ADARB2: variants seen among roughly 807,000 people sequenced by gnomAD.
ADARB2 encodes adenosine deaminase RNA specific B2 (inactive).
In ADARB2, 25 loss-of-function variants were observed where a neutral mutation model predicts 62.2. That is an observed-to-expected ratio of 0.40 (90% CI 0.29 to 0.56). ADARB2 has a LOEUF of 0.56. ADARB2 is among the 20% of genes least tolerant of loss of function. The pLI is 0.43. For missense variants in ADARB2, 1,071 were observed against 1,077.4 expected (o/e 0.99, Z 0.08); for synonymous variants, 572 against 500.8 (o/e 1.14, Z -1.90).
chr10:1,321,689 A>T (rs1831796852), intron 3 of ADARB2, among the ~76,000 whole-genome samples: 1 of 152,164 alleles, frequency 6.6e-6, no homozygotes, highest in South Asian at 2.1e-4. Context: ...TACTGATGCT[A>T]CTATTTTAAT....
chr10:1,343,564 C>G (rs372006774), intron 3 of ADARB2, among the ~76,000 whole-genome samples: 4 of 152,266 alleles, frequency 2.6e-5, no homozygotes, highest in African/African-American at 9.6e-5. Context: ...CATAGACACA[C>G]AGGCACGCGC....
intron 3 of ADARB2, among the ~76,000 whole-genome samples, chr10:1,273,362 A>G (rs1831282889): frequency 6.6e-6 from 1 of 152,148 alleles, no homozygotes; most frequent in Admixed American, 6.5e-5. Flanking sequence ...TTGGGCTCAA[A>G]TGATCCTCTC....
intron 1 of ADARB2, among the ~76,000 whole-genome samples, chr10:1,608,518 G>A (rs938231476): frequency 2.7e-5 from 4 of 150,848 alleles, no homozygotes; most frequent in African/African-American, 9.8e-5. Context: ...GAAAGAGAAG[G>A]AAGGAGAATG....
At chr10:1,723,970 C>T (rs142641373) in intron 1 of ADARB2, among the ~76,000 whole-genome samples, 100 of 152,246 alleles carry the variant, frequency 6.6e-4, no homozygotes, top group African/African-American at 2.1e-3. Context: ...ATACCCTAAC[C>T]GTAAGCTTTA....
At chr10:1,735,376 G>A (rs1697381472) in intron 1 of ADARB2, among the ~76,000 whole-genome samples, 1 of 152,154 alleles carries the variant, frequency 6.6e-6, no homozygotes, top group African/African-American at 2.4e-5. Flanking sequence ...TTCCTGGCAA[G>A]GCAAGTGAAT....
At chr10:1,497,779 C>T (rs931396384) in intron 1 of ADARB2, among the ~76,000 whole-genome samples, 2 of 152,110 alleles carry the variant, frequency 1.3e-5, no homozygotes, top group Non-Finnish European at 2.9e-5. Context: ...CACATACATT[C>T]CTGAGATATC....
chr10:1,508,265 A>G (rs1052743827), intron 1 of ADARB2, among the ~76,000 whole-genome samples: 4 of 152,164 alleles, frequency 2.6e-5, no homozygotes, highest in African/African-American at 4.8e-5. Flanking sequence ...CAGAACCTCA[A>G]TGGACGTCAG....
chr10:1,306,762 G>A (rs192173496), intron 3 of ADARB2, among the ~76,000 whole-genome samples: 44 of 147,028 alleles, frequency 3.0e-4, no homozygotes, highest in African/African-American at 9.1e-4. Context: ...GAACAGAGCC[G>A]TCAGAAATAA....
intron 1 of ADARB2, among the ~76,000 whole-genome samples, chr10:1,421,905 A>G (rs1199467206): frequency 1.3e-5 from 2 of 152,234 alleles, no homozygotes; most frequent in Non-Finnish European, 2.9e-5. Flanking sequence ...AGGAAGAGCT[A>G]TGTACCCATT....
In ADARB2 at chr10:1,208,656, C is replaced by T. The variant is rs73588473; in HGVS notation, c.1682+8295G>A. On this transcript the variant is annotated intron_variant, in intron 7 of 9. Coordinates refer to ENST00000381312, the MANE Select transcript of ADARB2 (RefSeq NM_018702.4). ...CAGTGGGCCTGGCTGCACATCAGGC[C>T]GTTTCCTCTGGGCTGGTCTTAGCCA... 2.5e-3 allele frequency among the ~76,000 whole-genome samples: 382 copies of T among 152,336 alleles called. 1 individual carries two copies. Among genetic ancestry groups the T allele is most frequent in the African/African-American group, 8.3e-3 (345 of 41,578 alleles).
intron 1 of ADARB2, among the ~76,000 whole-genome samples, chr10:1,529,587 C>T (rs1160683139): frequency 1.3e-5 from 2 of 152,212 alleles, no homozygotes; most frequent in Non-Finnish European, 2.9e-5. Context: ...GTTTTCCCCT[C>T]ACCGACACCC....
chr10:1,515,321 A>C (rs942335154), intron 1 of ADARB2, among the ~76,000 whole-genome samples: 2 of 152,192 alleles, frequency 1.3e-5, no homozygotes, highest in African/African-American at 4.8e-5. Flanking sequence ...TGGCTGGTGC[A>C]CTGGGCCCTG....
intron 3 of ADARB2, among the ~76,000 whole-genome samples, chr10:1,295,037 T>C (rs369181181): frequency 1.3e-5 from 2 of 152,186 alleles, no homozygotes; most frequent in Non-Finnish European, 2.9e-5. Flanking sequence ...ACGGCCCACA[T>C]CCTTTCCTGG....
chr10:1,233,019 G>A (rs752173640), intron 6 of ADARB2, among the ~76,000 whole-genome samples: 4 of 152,006 alleles, frequency 2.6e-5, no homozygotes, highest in Non-Finnish European at 5.9e-5. Flanking sequence ...TGAAAGAGAG[G>A]AGTTTCCCTG....
intron 1 of ADARB2, among the ~76,000 whole-genome samples, chr10:1,549,799 C>G (rs555166500): frequency 3.0e-4 from 46 of 152,270 alleles, no homozygotes; most frequent in African/African-American, 9.9e-4. Context: ...GCGTGGGAAC[C>G]ACCCCAGACC....
chr10:1,696,756 C>G (rs575383422), intron 1 of ADARB2, among the ~76,000 whole-genome samples: 75 of 152,290 alleles, frequency 4.9e-4, no homozygotes, highest in African/African-American at 1.8e-3. Flanking sequence ...GGACCTGGGG[C>G]TGAACTGCAA....
chr10:1,471,812 T>A (rs969217024), intron 1 of ADARB2, among the ~76,000 whole-genome samples: 1 of 152,254 alleles, frequency 6.6e-6, no homozygotes, highest in Non-Finnish European at 1.5e-5. Flanking sequence ...CAGGTCCCTG[T>A]GCCTTCACGA....
chr10:1,588,303 C>T (rs950925923), intron 1 of ADARB2, among the ~76,000 whole-genome samples: 31 of 152,216 alleles, frequency 2.0e-4, no homozygotes, highest in African/African-American at 6.3e-4. Context: ...TGAGATACCC[C>T]GGATGCTATG....
intron 1 of ADARB2, among the ~76,000 whole-genome samples, chr10:1,450,403 T>C (rs74122632): frequency 0.17 from 26,376 of 152,136 alleles, 3,016 homozygotes; most frequent in African/African-American, 0.32. Flanking sequence ...GTAGGAGGCA[T>C]GCAGAGCTGC....
Sources: gnomAD v4.1 joint callset for allele counts (sites outside exome capture counted in the v4.1 genomes callset) on GRCh38, gnomAD v4.1.1 for gene constraint, MANE v1.5 for transcripts, NCBI Gene and HGNC (gene_info 2026-07-23, HGNC 2026-07-21) for gene names.